The following AURKB variants were observed in gnomAD, a reference collection of about 807,000 sequenced individuals.
The protein encoded by AURKB is aurora kinase B-Sv1.
A neutral mutation model predicts 36.5 loss-of-function variants in AURKB; 28 were observed. The ratio of observed to expected loss-of-function variants is 0.77; its 90% CI spans 0.57 to 1.05. The LOEUF (loss-of-function observed/expected upper bound fraction) is 1.05. AURKB is among the 50% of genes least tolerant of loss of function. The pLI is 0.00. For missense variants in AURKB, 383 were observed against 447.4 expected (o/e 0.86, Z 1.30); for synonymous variants, 175 against 172.9 (o/e 1.01, Z -0.09).
In AURKB at chr17:8,206,366, G is replaced by C. The variant is rs994504834; in HGVS notation, c.686+125C>G. 5.5e-4 allele frequency: 651 copies of C among 1,189,248 alleles called. No individual in the cohort carries two copies. Among genetic ancestry groups the C allele is most frequent in the Non-Finnish European group, 6.5e-4 (560 of 859,570 alleles). The allele number at this position is 1,189,248 out of a possible 1,614,324, so 73.7% of individuals were successfully genotyped here. A position where few individuals can be genotyped will look rare whatever the true frequency, so the allele number is the denominator to read the frequency against. On this transcript the variant is annotated intron_variant, in intron 7 of 8. Transcript: ENST00000585124. This position sits in a 1 kb window ranked among gnomAD's most constrained non-coding sequence, Gnocchi z 4.2. ...ATCTAGTCTCGAACTCCTGACCTCA[G>C]GTGATCCGCCCTCCTCGGCCTCCCA...
Position 8,207,206 on chromosome 17 carries a change from C to T in AURKB, c.368G>A (p.Arg123His), listed in dbSNP as rs1322292985. 8 of 1,613,940 alleles carry T rather than the reference C, an allele frequency of 5.0e-6. No homozygotes were observed. The highest frequency in any genetic ancestry group is 2.2e-5 in the East Asian group (1 of 44,888). The change falls in exon 5 of 9, where the codon CGC (arginine) becomes CAC (histidine). Residue 123 changes from arginine (R) to histidine (H), a missense_variant. Physicochemically the swap from Arg to His is conservative, Grantham distance 29 (BLOSUM62 0). Transcript: ENST00000585124. ...GTGGGCCTGGATTTCGATCTCTCTG[C>T]GCAGCTGATGCTCCACGCCCTCCTT... ...IEKEGVEHQL[R>H]REIEIQAHLH... is the part of the protein sequence containing the mutation.
At position 8,207,781 on chromosome 17, in the gene AURKB, T is replaced by C; in HGVS notation, c.108A>G (p.Pro36=). Residue 36 remains proline (P), a synonymous_variant, in exon 3 of 9, where the codon CCA becomes CCG. Transcript: ENST00000585124. ...QRVLRKEPVT[P]SALVLMSRSN... Reference sequence around the variant, plus strand: ...AGCGGCTCATGAGGACAAGTGCAGATGGGGTGACAGGCTCTTTCCGGAGGA... The same window carrying C: ...AGCGGCTCATGAGGACAAGTGCAGACGGGGTGACAGGCTCTTTCCGGAGGA... The C allele has an allele frequency of 6.2e-7, 1 of 1,614,038 alleles. No homozygotes were observed. Among genetic ancestry groups the C allele is most frequent in the Non-Finnish European group, 8.5e-7 (1 of 1,179,988 alleles).
intron 2 of AURKB, among the ~76,000 whole-genome samples, chr17:8,209,746 C>T (rs556897302): frequency 6.6e-6 from 1 of 152,330 alleles, no homozygotes; most frequent in Admixed American, 6.5e-5. Flanking sequence ...ATTCTTACCT[C>T]AATTTAGTCA....
chr17:8,208,771 A>G (rs1384267367), intron 2 of AURKB, among the ~76,000 whole-genome samples: 1 of 152,150 alleles, frequency 6.6e-6, no homozygotes, highest in Admixed American at 6.5e-5. Context: ...ATAACAACAC[A>G]GTCATTCATC....
Position 8,207,264 on chromosome 17 carries a change from C to T in AURKB, c.310G>A (p.Ala104Thr). ...AREKKSHFIV[A>T]LKVLFKSQIE... ...TGGGACTTGAAGAGGACCTTGAGCGCCACGATGAAATGGCTTTTCTTCTCC... is the reference window on the plus strand; with the variant it reads ...TGGGACTTGAAGAGGACCTTGAGCGTCACGATGAAATGGCTTTTCTTCTCC... The change falls in exon 5 of 9, where the codon GCG becomes ACG. Residue 104 changes from alanine to threonine, a missense_variant. By Grantham distance (58) the Ala-to-Thr change is moderately conservative. This residue lies in a region of AURKB where 59 missense variants were observed against 99.0 expected (regional missense o/e 0.60). Transcript: ENST00000585124. 2 of 1,614,108 alleles carry T rather than the reference C, an allele frequency of 1.2e-6. No individual in the cohort carries two copies. Among genetic ancestry groups the T allele is most frequent in the Middle Eastern group, 3.3e-4 (2 of 6,062 alleles).
Position 8,210,194 on chromosome 17 carries a change from G to A in AURKB, c.31C>T (p.Pro11Ser), listed in dbSNP as rs1985920343. MAQKENSYPW[P>S]YGRQTAPSGL... Reference sequence around the variant, plus strand: ...GGCCTTACCGTCTGTCGGCCGTAGGGCCAGGGGTAGGAGTTCTCCTTCTGG... The same window carrying A: ...GGCCTTACCGTCTGTCGGCCGTAGGACCAGGGGTAGGAGTTCTCCTTCTGG... Residue 11 changes from proline to serine, a missense_variant, in exon 2 of 9, where the codon CCC (proline) becomes TCC (serine). This residue lies in a region of AURKB where 105 missense variants were observed against 95.7 expected (regional missense o/e 1.10). Coordinates refer to ENST00000585124, the MANE Select transcript of AURKB (RefSeq NM_004217.4). The A allele has an allele frequency of 6.2e-7, 1 of 1,611,872 alleles. No individual in the cohort carries two copies. Among genetic ancestry groups the A allele is most frequent in the Non-Finnish European group, 8.5e-7 (1 of 1,179,532 alleles).
At chr17:8,210,029 G>A in intron 2 of AURKB, 148 bp downstream of exon 2, 1 of 1,047,392 alleles carries the variant, frequency 9.5e-7, no homozygotes, top group Non-Finnish European at 1.4e-6. Flanking sequence ...ACCAGAGCGG[G>A]TTCTGTCGTC....
chr17:8,205,041 C>T lies in AURKB; in HGVS notation c.865G>A (p.Asp289Asn). The change falls in exon 9 of 9, where the codon GAC becomes AAC. Residue 289 changes from aspartate (D) to asparagine (N), a missense_variant. This residue lies in a region of AURKB where 219 missense variants were observed against 252.6 expected (regional missense o/e 0.87). Coordinates refer to ENST00000585124, the MANE Select transcript of AURKB (RefSeq NM_004217.4). ...GGCACGGAAGCGGGGAACTTTAGGT[C>T]CACCTGCAGGTGTGAAGAGATGGAA... ...NETYRRIVKV[D>N]LKFPASVPMG... is the part of the protein sequence containing the mutation. 2 of 1,583,602 alleles carry T rather than the reference C, an allele frequency of 1.3e-6. No homozygotes were observed. The highest frequency in any genetic ancestry group is 1.7e-4 in the Middle Eastern group (1 of 5,894).
chr17:8,210,401 C>T (rs1161255651), intron 1 of AURKB, 129 bp downstream of exon 1: 1 of 645,128 alleles, frequency 1.6e-6, no homozygotes, highest in African/African-American at 1.9e-5. Flanking sequence ...CTCACCGCCC[C>T]CGCCCTGCTA....
chr17:8,204,842 A>G lies in AURKB; in HGVS notation c.*29T>C, dbSNP rs1158702619. The G allele has an allele frequency of 6.2e-7, 1 of 1,610,570 alleles. No homozygotes were observed. The highest frequency in any genetic ancestry group is 1.7e-5 in the Admixed American group (1 of 58,760). On this transcript the variant is annotated 3_prime_UTR_variant, in exon 9 of 9. Transcript: ENST00000585124. ...CCTATACATACACAGACATACAAACACACGCACCCGAGTGAATGACAGGGA... is the reference window on the plus strand; with the variant it reads ...CCTATACATACACAGACATACAAACGCACGCACCCGAGTGAATGACAGGGA...
chr17:8,204,985 C>A lies in AURKB; in HGVS notation c.921G>T (p.Leu307=), dbSNP rs769869445. Residue 307 remains leucine (L), a synonymous_variant, in exon 9 of 9, where the codon CTG becomes CTT. Coordinates refer to ENST00000585124, the MANE Select transcript of AURKB (RefSeq NM_004217.4). ...PMGAQDLISK[L]LRHNPSERLP... is the part of the protein sequence containing the mutation. Reference sequence around the variant, plus strand: ...GCCGTTCCGAGGGGTTATGCCTGAGCAGTTTGGAGATGAGGTCCTGGGCTC... The same window carrying A: ...GCCGTTCCGAGGGGTTATGCCTGAGAAGTTTGGAGATGAGGTCCTGGGCTC... 4 of 1,607,940 alleles carry A rather than the reference C, an allele frequency of 2.5e-6. No individual in the cohort carries two copies. Among genetic ancestry groups the A allele is most frequent in the Non-Finnish European group, 3.4e-6 (4 of 1,178,438 alleles).
Position 8,206,999 on chromosome 17 carries a change from G to A in AURKB, c.399-111C>T. 2 of 1,538,946 alleles carry A rather than the reference G, an allele frequency of 1.3e-6. No individual in the cohort carries two copies. Among genetic ancestry groups the A allele is most frequent in the East Asian group, 2.3e-5 (1 of 44,230 alleles). On this transcript the variant is annotated intron_variant, in intron 5 of 8. Transcript: ENST00000585124. The surrounding 1 kb of genome is among the most constrained non-coding windows in gnomAD (Gnocchi z 4.2). Reference sequence around the variant, plus strand: ...CCCAGGCCGGGGACACCAGGGCTGGGAGTGGTAAGGGGAAACTGGAGGCAG... The same window carrying A: ...CCCAGGCCGGGGACACCAGGGCTGGAAGTGGTAAGGGGAAACTGGAGGCAG...
intron 2 of AURKB, among the ~76,000 whole-genome samples, chr17:8,208,778 C>T (rs1433670727): frequency 2.6e-5 from 4 of 152,124 alleles, no homozygotes; most frequent in African/African-American, 9.7e-5. Flanking sequence ...CACAGTCATT[C>T]ATCCAGCCCC....
intron 7 of AURKB, 125 bp from the exon 8 acceptor site, chr17:8,205,515 G>T (rs921088975): frequency 4.9e-6 from 6 of 1,233,886 alleles, no homozygotes; most frequent in Non-Finnish European, 6.8e-6. Context: ...GCCAGGCAAG[G>T]CCACTGGAGT....
Position 8,206,962 on chromosome 17 carries a change from G to A in AURKB, c.399-74C>T, listed in dbSNP as rs762770583. The A allele has an allele frequency of 1.6e-5, 26 of 1,603,488 alleles. No individual in the cohort carries two copies. Among genetic ancestry groups the A allele is most frequent in the Non-Finnish European group, 2.2e-5 (26 of 1,176,052 alleles). ...GGAAAAGATGATAGGAGCAAACTGG[G>A]GTCAGACGTGGCCCAGGCCGGGGAC... is the stretch of plus-strand genomic sequence containing the variant. On this transcript the variant is annotated intron_variant, in intron 5 of 8. Coordinates refer to ENST00000585124, the MANE Select transcript of AURKB (RefSeq NM_004217.4). The surrounding 1 kb of genome is among the most constrained non-coding windows in gnomAD (Gnocchi z 4.2).
In AURKB at chr17:8,209,928, G is replaced by A. The variant is rs1597356590; in HGVS notation, c.48+249C>T. 3 of 573,768 alleles carry A rather than the reference G, an allele frequency of 5.2e-6. No individual in the cohort carries two copies. The East Asian group carries it at 9.2e-5, about 18-fold the overall frequency. The allele number at this position is 573,768 out of a possible 1,614,324, so 35.5% of individuals were successfully genotyped here. On this transcript the variant is annotated intron_variant, in intron 2 of 8. Transcript: ENST00000585124. ...GCTCAGTCCCAGATATCATTTGTAT[G>A]TGACGAGCCCTGCAGAGGTCCTCAC... is the stretch of plus-strand genomic sequence containing the variant.
At chr17:8,207,129 G>C (rs1364148048) in intron 5 of AURKB, 47 bp downstream of exon 5, 2 of 1,580,500 alleles carry the variant, frequency 1.3e-6, no homozygotes, top group South Asian at 1.1e-5. Context: ...GAGGAGCTGG[G>C]GGTGAGGGAG....
In AURKB at chr17:8,205,450, G is replaced by C; in HGVS notation, c.687-60C>G. On this transcript the variant is annotated intron_variant, in intron 7 of 8. Transcript: ENST00000585124. ...GTGACATAGGAACTCTCCTTTCCCT[G>C]CTGCCTGACGGCTGGGAGCCAAAAG... is the stretch of plus-strand genomic sequence containing the variant. 1.9e-6 allele frequency: 3 copies of C among 1,570,786 alleles called. No individual in the cohort carries two copies. The South Asian group carries it at 3.5e-5, about 18-fold the overall frequency.
Position 8,207,560 on chromosome 17 carries a change from G to A in AURKB, c.206+11C>T. The A allele has an allele frequency of 1.2e-6, 2 of 1,612,514 alleles. No homozygotes were observed. The highest frequency in any genetic ancestry group is 1.7e-6 in the Non-Finnish European group (2 of 1,178,880). On this transcript the variant is annotated intron_variant, in intron 4 of 8. Transcript: ENST00000585124. Reference sequence around the variant, plus strand: ...CTCACCCCCGTCCACCCCCAGGCTTGGGGCACTTACGTTAAGATGTCGGGT... The same window carrying A: ...CTCACCCCCGTCCACCCCCAGGCTTAGGGCACTTACGTTAAGATGTCGGGT...
Sources: allele counts gnomAD v4.1 joint callset (sites outside exome capture counted in the v4.1 genomes callset), GRCh38; gene constraint gnomAD v4.1.1; regional missense constraint gnomAD v4.1.1; non-coding constraint Gnocchi (gnomAD v3.1); transcripts MANE v1.5; gene names NCBI Gene and HGNC (gene_info 2026-07-23, HGNC 2026-07-21).